PTPRT: variants seen among roughly 807,000 people sequenced by gnomAD.
PTPRT encodes protein tyrosine phosphatase receptor type T.
In PTPRT, 56 loss-of-function variants were observed where a neutral mutation model predicts 176.8. That is an observed-to-expected ratio of 0.32 (90% CI 0.26 to 0.40). The LOEUF is 0.40. Among genes scored for constraint, PTPRT ranks in the 10% least tolerant of loss-of-function variants. The pLI, the probability that PTPRT is intolerant of heterozygous loss-of-function variation, is 1.00. For missense variants in PTPRT, 1,540 were observed against 1,908.2 expected, an observed-to-expected ratio of 0.81 and a Z score of 3.60; for synonymous variants, 783 against 739.0, an observed-to-expected ratio of 1.06 and a Z score of -0.96.
chr20:42,528,659 T>C (rs1298790078), intron 7 of PTPRT, among the ~76,000 whole-genome samples: 1 of 152,178 alleles, frequency 6.6e-6, no homozygotes, highest in Admixed American at 6.5e-5. Context: ...ACCAATGCTA[T>C]AAGTAGTCCT....
chr20:43,179,034 C>T (rs1410088613), intron 1 of PTPRT, among the ~76,000 whole-genome samples: 1 of 152,146 alleles, frequency 6.6e-6, no homozygotes, highest in Non-Finnish European at 1.5e-5. Flanking sequence ...CCACCACCCC[C>T]GAATGAAACA....
intron 1 of PTPRT, among the ~76,000 whole-genome samples, chr20:43,138,743 C>A (rs1399573289): frequency 6.6e-6 from 1 of 152,188 alleles, no homozygotes; most frequent in African/African-American, 2.4e-5. Context: ...CCCAGCCTAG[C>A]CTCACGCCCC....
intron 6 of PTPRT, among the ~76,000 whole-genome samples, chr20:42,678,668 G>A (rs549760690): frequency 2.0e-5 from 3 of 152,200 alleles, no homozygotes; most frequent in African/African-American, 7.2e-5. Context: ...ACCTGAATCA[G>A]TATTTCTTCA....
intron 1 of PTPRT, among the ~76,000 whole-genome samples, chr20:43,133,577 C>A (rs1257369196): frequency 1.3e-5 from 2 of 151,858 alleles, no homozygotes; most frequent in Non-Finnish European, 2.9e-5. Flanking sequence ...GAAACCTCGT[C>A]TCTACTAAAA....
chr20:42,292,656 G>A (rs2057335247), intron 12 of PTPRT, among the ~76,000 whole-genome samples: 1 of 152,158 alleles, frequency 6.6e-6, no homozygotes, highest in Non-Finnish European at 1.5e-5. Flanking sequence ...TTGTCATTGA[G>A]GTCAGATGCT....
intron 9 of PTPRT, among the ~76,000 whole-genome samples, chr20:42,365,760 C>G (rs537144028): frequency 1.3e-5 from 2 of 152,236 alleles, no homozygotes; most frequent in Admixed American, 6.5e-5. Context: ...CGCATGTAGC[C>G]TGTGGGCTCA....
At chr20:43,184,249 T>C (rs575157218) in intron 1 of PTPRT, among the ~76,000 whole-genome samples, 1 of 152,120 alleles carries the variant, frequency 6.6e-6, no homozygotes, top group Non-Finnish European at 1.5e-5. Context: ...TGAGAAAAAA[T>C]TAAGTCTGCC....
chr20:42,922,792 C>CA (rs985913474), intron 1 of PTPRT, among the ~76,000 whole-genome samples: 13 of 152,156 alleles, frequency 8.5e-5, no homozygotes, highest in African/African-American at 3.1e-4. Flanking sequence ...GAGGGTCACT[C>CA]AAACGCACTG....
At chr20:42,362,887 T>C (rs6072700) in intron 9 of PTPRT, among the ~76,000 whole-genome samples, 120,930 of 151,758 alleles carry the variant, frequency 0.8, 49,153 homozygotes, top group African/African-American at 0.95. Flanking sequence ...GGACGGATCA[T>C]CTGGGGTCAG....
At chr20:42,356,843 A>C (rs756981248) in intron 9 of PTPRT, among the ~76,000 whole-genome samples, 1 of 152,176 alleles carries the variant, frequency 6.6e-6, no homozygotes, top group Non-Finnish European at 1.5e-5. Flanking sequence ...CAGCACCCCA[A>C]GCCTTACTTC....
intron 1 of PTPRT, among the ~76,000 whole-genome samples, chr20:42,998,234 G>A (rs536283410): frequency 1.6e-4 from 24 of 152,246 alleles, no homozygotes; most frequent in African/African-American, 5.5e-4. Context: ...TCAGGTCAGA[G>A]AAAAACAATT....
In PTPRT at chr20:42,997,030, C is replaced by T. The variant is rs558155910; in HGVS notation, c.89-111098G>A. Among the ~76,000 whole-genome samples the T allele has an allele frequency of 3.3e-5, 5 of 152,276 alleles. No homozygotes were observed. The South Asian group carries it at 1.0e-3, about 32-fold the overall frequency. On this transcript the variant is annotated intron_variant, in intron 1 of 30. Transcript: ENST00000373187. ...TGCCAGGATTCAAATTCCACTCAAC[C>T]ATTCCAAGCTCATGACCATGGAGAA...
At chr20:42,488,831 G>C (rs2071508136) in intron 7 of PTPRT, among the ~76,000 whole-genome samples, 1 of 151,974 alleles carries the variant, frequency 6.6e-6, no homozygotes, top group Non-Finnish European at 1.5e-5. Context: ...GGACATGGTG[G>C]TGCATGCCTG....
chr20:42,136,232 CTTTTTTTTTT>C (rs397864699), intron 18 of PTPRT, among the ~76,000 whole-genome samples: 1 of 63,036 alleles, frequency 1.6e-5, no homozygotes, highest in Non-Finnish European at 2.7e-5. Flanking sequence ...AAGAACAGTG[CTTTTTTTTTT>C]TTTTTTTTTT....
intron 9 of PTPRT, among the ~76,000 whole-genome samples, chr20:42,423,178 T>TAAAAAAAAAAAAAAAAAAAAAAAAAG (rs34775268): frequency 1.1e-5 from 1 of 88,114 alleles, no homozygotes; most frequent in Non-Finnish European, 2.1e-5. Flanking sequence ...ACCTTAAAAG[T>TAAAAAAAAAAAAAAAAAAAAAAAAAG]AAAAAAAAAA....
chr20:42,627,746 G>A (rs2074319783), intron 7 of PTPRT, among the ~76,000 whole-genome samples: 1 of 151,698 alleles, frequency 6.6e-6, no homozygotes, highest in South Asian at 2.1e-4. Flanking sequence ...TTTATTTCCT[G>A]TCTTTCGTAT....
At chr20:42,995,126 G>A (rs978689225) in intron 1 of PTPRT, among the ~76,000 whole-genome samples, 2 of 152,288 alleles carry the variant, frequency 1.3e-5, no homozygotes, top group East Asian at 1.9e-4. Context: ...ATTCCTTGTC[G>A]TATTGGTTAT....
chr20:43,162,108 T>C (rs906809947), intron 1 of PTPRT, among the ~76,000 whole-genome samples: 2 of 152,174 alleles, frequency 1.3e-5, no homozygotes, highest in Non-Finnish European at 2.9e-5. Flanking sequence ...TAGGAGGTTG[T>C]TCAGTAAAAC....
chr20:42,898,581 G>C, intron 1 of PTPRT, among the ~76,000 whole-genome samples: 1 of 151,954 alleles, frequency 6.6e-6, no homozygotes, highest in Non-Finnish European at 1.5e-5. Context: ...ACATTTGCTG[G>C]GACACAAAAA....
Sources: gnomAD v4.1 joint callset for allele counts (sites outside exome capture counted in the v4.1 genomes callset) on GRCh38, gnomAD v4.1.1 for gene constraint, MANE v1.5 for transcripts, NCBI Gene and HGNC (gene_info 2026-07-23, HGNC 2026-07-21) for gene names.